The following KIF3B variants were observed in gnomAD, a reference collection of about 807,000 sequenced individuals.
KIF3B encodes kinesin family member 3B.
A neutral mutation model predicts 74.3 loss-of-function variants in KIF3B; 38 were observed. The observed-to-expected ratio is 0.51, with a 90% CI of 0.39 to 0.67. The LOEUF is 0.67. Among genes scored for constraint, KIF3B ranks in the 30% least tolerant of loss-of-function variants. The pLI, the probability that KIF3B is intolerant of heterozygous loss-of-function variation, is 0.00. For synonymous variants in KIF3B, 326 were observed against 342.5 expected (o/e 0.95, Z 0.53); for missense variants, 649 against 932.0 (o/e 0.70, Z 3.95).
At chr20:32,286,125 A>G (rs1265036017) in intron 1 of KIF3B, among the ~76,000 whole-genome samples, 4 of 152,208 alleles carry the variant, frequency 2.6e-5, no homozygotes, top group Admixed American at 2.0e-4. Context: ...ATGCTTGAAT[A>G]TAGTCTATAA....
At chr20:32,292,625 G>C (rs984110878) in intron 1 of KIF3B, among the ~76,000 whole-genome samples, 2 of 151,198 alleles carry the variant, frequency 1.3e-5, no homozygotes, top group African/African-American at 4.9e-5. Context: ...GGGTCCAGTG[G>C]CGCACGCCTG....
intron 5 of KIF3B, among the ~76,000 whole-genome samples, chr20:32,319,966 C>T (rs2047851100): frequency 6.6e-6 from 1 of 151,926 alleles, no homozygotes; most frequent in Non-Finnish European, 1.5e-5. Context: ...ATGATCTTAG[C>T]TCACTGCAGC....
intron 2 of KIF3B, among the ~76,000 whole-genome samples, chr20:32,311,845 C>T (rs1338315983): frequency 2.0e-5 from 3 of 149,646 alleles, no homozygotes; most frequent in African/African-American, 4.9e-5. Flanking sequence ...TCTCGTCACC[C>T]AGGCTGGAGT....
At chr20:32,300,270 A>G (rs1263390344) in intron 1 of KIF3B, among the ~76,000 whole-genome samples, 1 of 151,374 alleles carries the variant, frequency 6.6e-6, no homozygotes. Flanking sequence ...ACCCAGCTAT[A>G]TTTTTTAAAT....
rs1389619042 is a variant in KIF3B, at chr20:32,321,476, AT to A, written c.1748+4605del. On this transcript the variant is annotated intron_variant, in intron 5 of 8. Coordinates refer to ENST00000375712, the MANE Select transcript of KIF3B (RefSeq NM_004798.4). ...GTTGACCGTAATTAAGCATTTATTT[AT>A]TTATTTCTGGACTTTCAATACTGTT... 9.2e-5 allele frequency among the ~76,000 whole-genome samples: 14 copies of A among 151,674 alleles called. No individual in the cohort carries two copies. In the South Asian group the frequency reaches 2.7e-3, roughly 29 times the overall value.
At chr20:32,295,801 A>C (rs1211367251) in intron 1 of KIF3B, among the ~76,000 whole-genome samples, 1 of 151,602 alleles carries the variant, frequency 6.6e-6, no homozygotes, top group Non-Finnish European at 1.5e-5. Context: ...TAGGTCCCGA[A>C]TTTAGGTCTC....
intron 1 of KIF3B, among the ~76,000 whole-genome samples, chr20:32,282,993 C>T (rs2047651058): frequency 6.6e-6 from 1 of 152,128 alleles, no homozygotes; most frequent in Non-Finnish European, 1.5e-5. Flanking sequence ...AATAGTAAAA[C>T]TAATAGTCTT....
Position 32,334,570 on chromosome 20 carries a change from A to G in KIF3B, c.*3251A>G, listed in dbSNP as rs2122726963. On this transcript the variant is annotated 3_prime_UTR_variant, in exon 9 of 9. Coordinates refer to ENST00000375712, the MANE Select transcript of KIF3B (RefSeq NM_004798.4). ...TGAGGCGTACTGGAGACAACACCTC[A>G]GACCATCTGAACCCCATCAGTGGAC... 1 of 152,764 alleles carries G rather than the reference A, an allele frequency of 6.5e-6. No individual in the cohort carries two copies. Among genetic ancestry groups the G allele is most frequent in the Admixed American group, 6.5e-5 (1 of 15,304 alleles). The allele number at this position is 152,764 out of a possible 1,614,324, so 9.5% of individuals were successfully genotyped here.
At chr20:32,327,713 T>C (rs2047911276) in intron 7 of KIF3B, 52 bp downstream of exon 7, 1 of 1,388,940 alleles carries the variant, frequency 7.2e-7, no homozygotes, top group South Asian at 1.2e-5. Flanking sequence ...AGTCTAGATT[T>C]GTGTAAGCCC....
chr20:32,295,295 CT>C lies in KIF3B; in HGVS notation c.-65-14408del, dbSNP rs937210566. Among the ~76,000 whole-genome samples the C allele has an allele frequency of 3.4e-4, 51 of 148,304 alleles. No homozygotes were observed. The South Asian group carries it at 7.3e-3, about 21-fold the overall frequency. ...CAAAAAAGGTGACGCCCCCCGCCCC[CT>C]TTTTTTTTTCTTTTGTGACAGAATC... On this transcript the variant is annotated intron_variant, in intron 1 of 8. Coordinates refer to ENST00000375712, the MANE Select transcript of KIF3B (RefSeq NM_004798.4).
At chr20:32,279,987 G>A (rs1349132880) in intron 1 of KIF3B, among the ~76,000 whole-genome samples, 1 of 152,210 alleles carries the variant, frequency 6.6e-6, no homozygotes, top group Non-Finnish European at 1.5e-5. Flanking sequence ...ATGATGCTCA[G>A]TACCTCTGAA....
At chr20:32,298,984 T>C (rs984398660) in intron 1 of KIF3B, among the ~76,000 whole-genome samples, 1 of 152,164 alleles carries the variant, frequency 6.6e-6, no homozygotes, top group East Asian at 1.9e-4. Flanking sequence ...TTAGTACTTA[T>C]ACATACATAA....
rs963994399 is a variant in KIF3B at position 32,334,656 on chromosome 20, T to G, written c.*3337T>G. 1 of 152,324 alleles carries G rather than the reference T, an allele frequency of 6.6e-6. No homozygotes were observed. The highest frequency in any genetic ancestry group is 6.6e-5 in the Admixed American group (1 of 15,266). 9.4% of individuals were successfully genotyped at this position (152,324 alleles called of 1,614,324 possible). ...CTAAAAATGCTCTGAGGGAACTGGC[T>G]AAGAATAGTGGGCCTGGTGATTGTC... On this transcript the variant is annotated 3_prime_UTR_variant, in exon 9 of 9. Coordinates refer to ENST00000375712, the MANE Select transcript of KIF3B (RefSeq NM_004798.4).
chr20:32,302,151 TAAAG>T (rs1229145316), intron 1 of KIF3B, among the ~76,000 whole-genome samples: 3 of 152,160 alleles, frequency 2.0e-5, no homozygotes, highest in Non-Finnish European at 4.4e-5. Context: ...ACAAAGGTAA[TAAAG>T]AAAGAGTATC....
chr20:32,316,860 G>T lies in KIF3B; in HGVS notation c.1734G>T (p.Arg578Ser), dbSNP rs1460032829. The change falls in exon 5 of 9, where the codon AGG becomes AGT. Residue 578 changes from arginine (R) to serine (S), a missense_variant. By Grantham distance (110) the Arg-to-Ser change is moderately radical (BLOSUM62 -1). Transcript: ENST00000375712. Reference protein sequence around the residue: ...ELEQTQNELTRELKLKHLIIE... With the variant: ...ELEQTQNELTSELKLKHLIIE... ...AGCAGACTCAGAATGAGCTCACCAG[G>T]GAGCTGAAACTCAAGTAAGTGCCAG... 2 of 1,611,830 alleles carry T rather than the reference G, an allele frequency of 1.2e-6. No individual in the cohort carries two copies. The highest frequency in any genetic ancestry group is 1.7e-6 in the Non-Finnish European group (2 of 1,178,024).
chr20:32,312,656 GGTTCACTCATTATTACT>G (rs1443497103), intron 2 of KIF3B, among the ~76,000 whole-genome samples: 1 of 152,068 alleles, frequency 6.6e-6, no homozygotes, highest in Non-Finnish European at 1.5e-5. Context: ...CTGAAGCTGT[GGTTCACTCATTATTACT>G]GTTCCAAGTA....
At position 32,316,264 on chromosome 20, in the gene KIF3B, A is replaced by G; in HGVS notation, c.1451A>G (p.His484Arg). ...GTTGGAGGAAAAAATATAGTAGATC[A>G]TACGAATGAACAGCAGAAAATCCTG... ...LLVGGKNIVD[H>R]TNEQQKILEQ... The change falls in exon 3 of 9, where the codon CAT (histidine) becomes CGT (arginine). Residue 484 changes from histidine to arginine, a missense_variant. His to Arg is a conservative substitution (Grantham distance 29). Transcript: ENST00000375712. The G allele has an allele frequency of 1.2e-6, 2 of 1,613,798 alleles. No homozygotes were observed. Among genetic ancestry groups the G allele is most frequent in the Non-Finnish European group, 1.7e-6 (2 of 1,179,646 alleles).
Position 32,310,029 on chromosome 20 carries a change from C to T in KIF3B, c.252C>T (p.Val84=). 6.2e-7 allele frequency: 1 copy of T among 1,614,116 alleles called. No individual in the cohort carries two copies. The highest frequency in any genetic ancestry group is 8.5e-7 in the Non-Finnish European group (1 of 1,180,026). Residue 84 remains valine, a synonymous_variant, in exon 2 of 9, where the codon GTC becomes GTT. Transcript: ENST00000375712. This position sits in a 1 kb window ranked among gnomAD's most constrained non-coding sequence, Gnocchi z 6.5. ...CGTTCCGACCACTTGTTGACTCTGTCCTGCAAGGTTTCAATGGAACCATTT... is the reference window on the plus strand; with the variant it reads ...CGTTCCGACCACTTGTTGACTCTGTTCTGCAAGGTTTCAATGGAACCATTT... The part of the protein sequence containing the change: ...DETFRPLVDS[V]LQGFNGTIFA...
intron 3 of KIF3B, 46 bp from the exon 4 acceptor site, chr20:32,316,481 G>C (rs2047828175): frequency 6.2e-7 from 1 of 1,611,838 alleles, no homozygotes; most frequent in Non-Finnish European, 8.5e-7. Flanking sequence ...ACCCAGCATA[G>C]ACACAGTCTC....
Sources: allele counts gnomAD v4.1 joint callset (sites outside exome capture counted in the v4.1 genomes callset), GRCh38; gene constraint gnomAD v4.1.1; non-coding constraint Gnocchi (gnomAD v3.1); transcripts MANE v1.5; gene names NCBI Gene and HGNC (gene_info 2026-07-23, HGNC 2026-07-21).